ATG7: variants seen among roughly 807,000 people sequenced by gnomAD.
The protein encoded by ATG7 is ubiquitin-like modifier-activating enzyme ATG7.
Under a neutral mutation model 82.4 loss-of-function variants are expected in ATG7, and 70 were observed. That is an observed-to-expected ratio of 0.85 (90% CI 0.70 to 1.04). The LOEUF is 1.04. Ranked by LOEUF, ATG7 falls within the 50% of genes least tolerant of loss-of-function variation. The probability of loss-of-function intolerance (pLI) is 0.00; values close to 1 mark genes in which losing one functional copy is unlikely to be tolerated. For synonymous variants in ATG7, 287 were observed against 313.0 expected (o/e 0.92, Z 0.88); for missense variants, 792 against 864.3 (o/e 0.92, Z 1.05).
intron 20 of ATG7, among the ~76,000 whole-genome samples, chr3:11,427,253 A>G (rs935440668): frequency 6.6e-6 from 1 of 152,158 alleles, no homozygotes; most frequent in African/African-American, 2.4e-5. Flanking sequence ...TAATGTCCAT[A>G]TATCAAAATG....
In ATG7 at chr3:11,544,263, C is replaced by A. The variant is rs188701393; in HGVS notation, c.2080-10548C>A. 2.5e-4 allele frequency among the ~76,000 whole-genome samples: 38 copies of A among 152,314 alleles called. No individual in the cohort carries two copies. In the Middle Eastern group the frequency reaches 0.01, roughly 41 times the overall value. The stretch of plus-strand genomic sequence containing the variant: ...GCCAGGAAGTCAGACCCTGGGCCTT[C>A]ACCCGGCAGCACTTCCCTGTGGCCC... On this transcript the variant is annotated intron_variant, in intron 20 of 20. Transcript: ENST00000693202.
intron 18 of ATG7, among the ~76,000 whole-genome samples, chr3:11,377,001 A>G (rs1228130952): frequency 1.3e-5 from 2 of 152,152 alleles, no homozygotes; most frequent in Non-Finnish European, 2.9e-5. Context: ...GGCCTCCCAA[A>G]GTGCTGGGAT....
rs996064507 is a variant in ATG7, at chr3:11,538,080, T to C, written c.2080-16731T>C. 6.0e-5 allele frequency among the ~76,000 whole-genome samples: 9 copies of C among 149,754 alleles called. No homozygotes were observed. In the South Asian group the frequency reaches 6.3e-4, roughly 10 times the overall value. The stretch of plus-strand genomic sequence containing the variant: ...CTGTTGTCCAGCTGGCTAGGAGATA[T>C]GTGGACCCCAGGGCTGACAGATGTT... On this transcript the variant is annotated intron_variant, in intron 20 of 20. Transcript: ENST00000693202.
chr3:11,500,284 G>A (rs1322622860), intron 20 of ATG7, among the ~76,000 whole-genome samples: 1 of 152,078 alleles, frequency 6.6e-6, no homozygotes, highest in Non-Finnish European at 1.5e-5. Context: ...GAGTAAGGAG[G>A]TGGAGACATA....
intron 20 of ATG7, among the ~76,000 whole-genome samples, chr3:11,525,163 T>C (rs1183589329): frequency 1.3e-5 from 2 of 149,694 alleles, no homozygotes; most frequent in East Asian, 3.9e-4. Context: ...CAGCCTCAGC[T>C]GGGACCACAG....
chr3:11,553,837 A>C (rs1188419662), intron 20 of ATG7, among the ~76,000 whole-genome samples: 1 of 152,120 alleles, frequency 6.6e-6, no homozygotes, highest in Non-Finnish European at 1.5e-5. Flanking sequence ...GCTGGTGTTG[A>C]TATTTACCTT....
intron 20 of ATG7, among the ~76,000 whole-genome samples, chr3:11,440,942 C>T (rs1222703831): frequency 2.0e-5 from 3 of 151,924 alleles, no homozygotes; most frequent in East Asian, 1.9e-4. Flanking sequence ...CCTCGGCCTC[C>T]CAAAGTGCTG....
At chr3:11,499,903 T>C (rs1329631835) in intron 20 of ATG7, among the ~76,000 whole-genome samples, 1 of 152,166 alleles carries the variant, frequency 6.6e-6, no homozygotes, top group East Asian at 1.9e-4. Flanking sequence ...CCAAGATGCA[T>C]TGGGCAATGC....
chr3:11,315,829 C>T (rs1949330004), intron 9 of ATG7, among the ~76,000 whole-genome samples: 3 of 152,274 alleles, frequency 2.0e-5, no homozygotes, highest in South Asian at 2.1e-4. Flanking sequence ...CTGGTTCAAG[C>T]GATTCTCCTG....
downstream of ATG7, among the ~76,000 whole-genome samples, chr3:11,561,945 G>C (rs1214246805): frequency 1.4e-5 from 2 of 147,116 alleles, no homozygotes; most frequent in Admixed American, 1.4e-4. Context: ...TGTCGTCCAG[G>C]CTGGAGTGCA....
chr3:11,347,819 G>C, intron 13 of ATG7, 58 bp from the exon 14 acceptor site: 2 of 1,564,694 alleles, frequency 1.3e-6, no homozygotes, highest in Non-Finnish European at 1.7e-6. Flanking sequence ...GATTTCAAGA[G>C]ACAGCACCCT....
intron 19 of ATG7, among the ~76,000 whole-genome samples, chr3:11,425,053 C>A (rs2082250136): frequency 6.6e-6 from 1 of 152,094 alleles, no homozygotes; most frequent in South Asian, 2.1e-4. Flanking sequence ...GCCTCAACCT[C>A]CTGAGTTCAG....
At chr3:11,565,445 CCACAGCACTGCTCAGCCCATCTTCCT>C in the ATG7 span, among the ~76,000 whole-genome samples, 1 of 152,312 alleles carries the variant, frequency 6.6e-6, no homozygotes, top group East Asian at 1.9e-4. The surrounding 1 kb of genome is among the most constrained non-coding windows in gnomAD (Gnocchi z 4.1). Context: ...TTCAAAGCCT[CCACAGCACTGCTCAGCCCATCTTCCT>C]CACAGTACTG....
At position 11,512,594 on chromosome 3, in the gene ATG7, G is replaced by T. The variant is rs374591354; in HGVS notation, c.2080-42217G>T. Among the ~76,000 whole-genome samples the T allele has an allele frequency of 2.0e-5, 3 of 152,214 alleles. 1 individual carries two copies. Among genetic ancestry groups the T allele is most frequent in the Non-Finnish European group, 4.4e-5 (3 of 68,046 alleles). ...GTGTTAACAGTTCTTAAAGCGGCAC[G>T]TCTGGAGTTATTTGTTCCTCCTGGT... On this transcript the variant is annotated intron_variant, in intron 20 of 20. Coordinates refer to ENST00000693202, the MANE Select transcript of ATG7 (RefSeq NM_001349232.2).
intron 14 of ATG7, among the ~76,000 whole-genome samples, chr3:11,354,549 T>C (rs1254040260): frequency 2.7e-5 from 4 of 147,540 alleles, no homozygotes; most frequent in African/African-American, 1.0e-4. Context: ...CTTGGGAGGC[T>C]GAGGCAGGAG....
chr3:11,442,593 G>A (rs908365541), intron 20 of ATG7, among the ~76,000 whole-genome samples: 1 of 151,646 alleles, frequency 6.6e-6, no homozygotes, highest in Non-Finnish European at 1.5e-5. Flanking sequence ...TTTCATTGTA[G>A]AATAACCTAT....
intron 7 of ATG7, 50 bp from the exon 8 acceptor site, chr3:11,313,254 C>G (rs372010423): frequency 6.4e-6 from 8 of 1,250,876 alleles, no homozygotes; most frequent in Admixed American, 2.1e-5. Flanking sequence ...TGCATTTCAC[C>G]TTAAGTTAAT....
chr3:11,340,767 G>C lies in ATG7; in HGVS notation c.980+32G>C, dbSNP rs550615014. 5.2e-5 allele frequency: 83 copies of C among 1,592,574 alleles called. No individual in the cohort carries two copies. In the South Asian group the frequency reaches 8.6e-4, roughly 16 times the overall value. ...TTGGGAAGCTGTTTTCTCCAGTCGG[G>C]CTTTTTGTAACCAAGACACACACCA... On this transcript the variant is annotated intron_variant, in intron 12 of 20. Transcript: ENST00000693202.
chr3:11,475,617 A>G (rs531136574), intron 20 of ATG7, among the ~76,000 whole-genome samples: 1 of 152,318 alleles, frequency 6.6e-6, no homozygotes, highest in African/African-American at 2.4e-5. Context: ...GCAGATCAGC[A>G]GGTGATCAGG....
Sources: gnomAD v4.1 joint callset for allele counts (sites outside exome capture counted in the v4.1 genomes callset) on GRCh38, gnomAD v4.1.1 for gene constraint, Gnocchi (gnomAD v3.1) non-coding constraint, MANE v1.5 for transcripts, NCBI Gene and HGNC (gene_info 2026-07-23, HGNC 2026-07-21) for gene names.